Variants in ITFG1 observed in about 807,000 individuals in gnomAD.
ITFG1 encodes the protein T-cell immunomodulatory protein.
A neutral mutation model predicts 81.8 loss-of-function variants in ITFG1; 34 were observed. That is an observed-to-expected ratio of 0.42 (90% CI 0.32 to 0.55). The LOEUF (loss-of-function observed/expected upper bound fraction) is 0.55. Among genes scored for constraint, ITFG1 ranks in the 20% least tolerant of loss-of-function variants. ITFG1 has a pLI of 0.17. For missense variants in ITFG1, 672 were observed against 755.4 expected (o/e 0.89, Z 1.29); for synonymous variants, 285 against 270.6 (o/e 1.05, Z -0.52).
At chr16:47,214,344 T>C (rs1361415442) in intron 14 of ITFG1, among the ~76,000 whole-genome samples, 1 of 152,234 alleles carries the variant, frequency 6.6e-6, no homozygotes, top group African/African-American at 2.4e-5. Flanking sequence ...AGGAAAATGA[T>C]TTTGCTCTGG....
intron 12 of ITFG1, among the ~76,000 whole-genome samples, chr16:47,248,826 T>C (rs1314819502): frequency 2.0e-5 from 3 of 152,176 alleles, no homozygotes; most frequent in Non-Finnish European, 2.9e-5. Flanking sequence ...TGGGAAGGTA[T>C]GCTAAAATAC....
Position 47,427,741 on chromosome 16 carries a change from T to C in ITFG1, c.655+1063A>G, listed in dbSNP as rs527284369. ...ATGTGTACAGCACAGATGGTTTCTC[T>C]ACTTCGGCATGAACCTTGTTTAACT... On this transcript the variant is annotated intron_variant, in intron 6 of 17. Coordinates refer to ENST00000320640, the MANE Select transcript of ITFG1 (RefSeq NM_030790.5). Among the ~76,000 whole-genome samples the C allele has an allele frequency of 4.7e-4, 72 of 152,354 alleles. No individual in the cohort carries two copies. The Middle Eastern group carries it at 0.01, about 22-fold the overall frequency.
intron 14 of ITFG1, among the ~76,000 whole-genome samples, chr16:47,175,083 T>C (rs1965008339): frequency 6.6e-6 from 1 of 152,100 alleles, no homozygotes; most frequent in Non-Finnish European, 1.5e-5. Context: ...AATACTATAC[T>C]GACATTAATT....
chr16:47,198,480 ATAATAGT>A (rs1364622481), intron 14 of ITFG1, among the ~76,000 whole-genome samples: 8 of 152,240 alleles, frequency 5.3e-5, no homozygotes, highest in Non-Finnish European at 8.8e-5. Flanking sequence ...TGTACAGTAC[ATAATAGT>A]TGATAGTGAT....
intron 6 of ITFG1, among the ~76,000 whole-genome samples, chr16:47,409,038 A>G (rs1968765600): frequency 6.6e-6 from 1 of 152,100 alleles, no homozygotes; most frequent in South Asian, 2.1e-4. Flanking sequence ...AAAGAAAAAG[A>G]GCAAAAAAAG....
intron 17 of ITFG1, among the ~76,000 whole-genome samples, chr16:47,158,268 T>C (rs113010518): frequency 6.6e-6 from 1 of 152,186 alleles, no homozygotes; most frequent in African/African-American, 2.4e-5. Context: ...CTAATTTTTG[T>C]GTATTCTGTA....
intron 14 of ITFG1, among the ~76,000 whole-genome samples, chr16:47,209,381 A>G (rs1965538324): frequency 6.6e-6 from 1 of 152,154 alleles, no homozygotes; most frequent in Non-Finnish European, 1.5e-5. Context: ...ACATACTGTT[A>G]CTCTATGGAA....
At chr16:47,200,802 C>T (rs1479242847) in intron 14 of ITFG1, among the ~76,000 whole-genome samples, 1 of 151,968 alleles carries the variant, frequency 6.6e-6, no homozygotes, top group Admixed American at 6.6e-5. Flanking sequence ...GGTGGTGGGG[C>T]CTGGAAAGGT....
At chr16:47,300,786 C>A (rs1046399796) in intron 10 of ITFG1, among the ~76,000 whole-genome samples, 4 of 152,062 alleles carry the variant, frequency 2.6e-5, no homozygotes, top group African/African-American at 9.7e-5. Flanking sequence ...TAGCGAGTAC[C>A]GAATTTCAGT....
chr16:47,374,619 A>C (rs1968300444), intron 7 of ITFG1, among the ~76,000 whole-genome samples: 1 of 152,228 alleles, frequency 6.6e-6, no homozygotes, highest in Admixed American at 6.5e-5. Context: ...TTCTCCCAGC[A>C]GTGGGGACTT....
At chr16:47,155,822 T>C (rs114069058) in intron 17 of ITFG1, 44 bp from the exon 18 acceptor site, 14 of 1,398,134 alleles carry the variant, frequency 1.0e-5, no homozygotes, top group Non-Finnish European at 1.4e-5. Flanking sequence ...TAGAAAGATG[T>C]TATGAAAAGA....
At chr16:47,173,265 G>A (rs576779895) in intron 14 of ITFG1, among the ~76,000 whole-genome samples, 1 of 152,154 alleles carries the variant, frequency 6.6e-6, no homozygotes, top group South Asian at 2.1e-4. Flanking sequence ...CCTAACACTA[G>A]ATAGTATTAA....
At chr16:47,168,390 T>G (rs1208823706) in intron 14 of ITFG1, among the ~76,000 whole-genome samples, 1 of 152,176 alleles carries the variant, frequency 6.6e-6, no homozygotes, top group Admixed American at 6.5e-5. Context: ...GACTTTTCTT[T>G]TGAGACAGGC....
chr16:47,188,714 T>G (rs548383569), intron 14 of ITFG1, among the ~76,000 whole-genome samples: 3 of 151,522 alleles, frequency 2.0e-5, no homozygotes, highest in Non-Finnish European at 4.4e-5. Context: ...GTCACATGTA[T>G]ACATACGTAA....
chr16:47,416,376 A>C (rs1968875120), intron 6 of ITFG1, among the ~76,000 whole-genome samples: 1 of 152,166 alleles, frequency 6.6e-6, no homozygotes, highest in Admixed American at 6.5e-5. Context: ...AAAAGAAAAA[A>C]CTGAGAATTC....
intron 6 of ITFG1, among the ~76,000 whole-genome samples, chr16:47,377,005 T>C (rs960694382): frequency 1.4e-5 from 2 of 145,616 alleles, no homozygotes; most frequent in Non-Finnish European, 3.0e-5. Flanking sequence ...CAGAGTGATG[T>C]GAAGGCCATG....
chr16:47,411,303 C>T (rs1376572377), intron 6 of ITFG1, among the ~76,000 whole-genome samples: 1 of 152,166 alleles, frequency 6.6e-6, no homozygotes, highest in Non-Finnish European at 1.5e-5. Flanking sequence ...CAGCCTGTGA[C>T]TGAAGTAGTC....
intron 10 of ITFG1, among the ~76,000 whole-genome samples, chr16:47,296,997 C>A (rs1043565646): frequency 6.6e-6 from 1 of 152,094 alleles, no homozygotes; most frequent in Non-Finnish European, 1.5e-5. Flanking sequence ...TCTCAGTGTT[C>A]TGTCAGTTGC....
intron 14 of ITFG1, among the ~76,000 whole-genome samples, chr16:47,166,104 G>A (rs961772332): frequency 4.6e-5 from 7 of 152,136 alleles, no homozygotes. Context: ...AAGCCCTTAA[G>A]ACTGATAGAA....
Sources: allele counts gnomAD v4.1 joint callset (sites outside exome capture counted in the v4.1 genomes callset), GRCh38; gene constraint gnomAD v4.1.1; transcripts MANE v1.5; gene names NCBI Gene and HGNC (gene_info 2026-07-23, HGNC 2026-07-21).